DDX10: variants seen among roughly 807,000 people sequenced by gnomAD.
DDX10 encodes the protein probable ATP-dependent RNA helicase DDX10.
In DDX10, 74 loss-of-function variants were observed where a neutral mutation model predicts 104.3. The ratio of observed to expected loss-of-function variants is 0.71; its 90% CI spans 0.59 to 0.86. The LOEUF is 0.86. DDX10 is among the 40% of genes least tolerant of loss of function. The pLI, the probability that DDX10 is intolerant of heterozygous loss-of-function variation, is 0.00. For synonymous variants in DDX10, 351 were observed against 353.4 expected, an observed-to-expected ratio of 0.99 and a Z score of 0.08; for missense variants, 952 against 1,040.0, an observed-to-expected ratio of 0.92 and a Z score of 1.16.
intron 13 of DDX10, among the ~76,000 whole-genome samples, chr11:108,731,075 G>A (rs1290234325): frequency 1.3e-5 from 2 of 148,870 alleles, no homozygotes; most frequent in African/African-American, 2.5e-5. Context: ...TTTTTGAGAC[G>A]GAGTCTCGCT....
At chr11:108,831,464 A>G (rs1000449378) in intron 13 of DDX10, among the ~76,000 whole-genome samples, 2 of 148,366 alleles carry the variant, frequency 1.3e-5, no homozygotes, top group Admixed American at 1.4e-4. Flanking sequence ...CTTATCTTTC[A>G]TAGGAGTGGC....
chr11:108,729,152 C>A (rs993215130), intron 13 of DDX10, among the ~76,000 whole-genome samples: 1 of 151,990 alleles, frequency 6.6e-6, no homozygotes, highest in Admixed American at 6.6e-5. Context: ...AAATTTTACC[C>A]CCAAATGATT....
chr11:108,693,463 C>A, intron 8 of DDX10, 53 bp from the exon 9 acceptor site: 1 of 1,261,208 alleles, frequency 7.9e-7, no homozygotes, highest in Non-Finnish European at 1.2e-6. Context: ...AAAAATAGTG[C>A]AGCAGGGCAG....
chr11:108,680,915 G>C lies in DDX10; in HGVS notation c.848+1355G>C, dbSNP rs144236610. Among the ~76,000 whole-genome samples, 35 of 152,238 alleles carry C rather than the reference G, an allele frequency of 2.3e-4. 1 individual carries two copies. Among genetic ancestry groups the C allele is most frequent in the South Asian group, 1.5e-3 (7 of 4,822 alleles). Reference sequence around the variant, plus strand: ...TGGTATCTTTGACTTTCAAGAACTTGGGAATGGAATAGTAAGATATGTGAG... The same window carrying C: ...TGGTATCTTTGACTTTCAAGAACTTCGGAATGGAATAGTAAGATATGTGAG... On this transcript the variant is annotated intron_variant, in intron 6 of 17. Transcript: ENST00000322536.
chr11:108,825,144 A>G (rs918980334), intron 13 of DDX10, among the ~76,000 whole-genome samples: 21 of 152,192 alleles, frequency 1.4e-4, no homozygotes, highest in African/African-American at 4.6e-4. Context: ...TTATTAGGCC[A>G]AAATGCTATA....
At position 108,797,018 on chromosome 11, in the gene DDX10, C is replaced by G. The variant is rs1313538230; in HGVS notation, c.1966-41428C>G. Among the ~76,000 whole-genome samples the G allele has an allele frequency of 3.3e-5, 5 of 151,964 alleles. No homozygotes were observed. The East Asian group carries it at 7.7e-4, about 24-fold the overall frequency. ...ATAAACTTCTGTTGTTGTTGTTGTT[C>G]TTATTCTTCTCCCTCTTCTAATTTT... is the stretch of plus-strand genomic sequence containing the variant. On this transcript the variant is annotated intron_variant, in intron 13 of 17. Transcript: ENST00000322536.
At chr11:108,674,122 G>A (rs751486616) in intron 2 of DDX10, among the ~76,000 whole-genome samples, 2 of 152,064 alleles carry the variant, frequency 1.3e-5, no homozygotes, top group Non-Finnish European at 2.9e-5. Flanking sequence ...AGGAGTTTGA[G>A]ACCAGCCTGG....
At chr11:108,857,557 A>T (rs1188319662) in intron 16 of DDX10, among the ~76,000 whole-genome samples, 3 of 152,120 alleles carry the variant, frequency 2.0e-5, no homozygotes, top group African/African-American at 7.2e-5. Flanking sequence ...TTGTGTGCCT[A>T]TCTCTCATCA....
chr11:108,778,180 T>C (rs564966116), intron 13 of DDX10, among the ~76,000 whole-genome samples: 2 of 152,230 alleles, frequency 1.3e-5, no homozygotes, highest in African/African-American at 2.4e-5. Flanking sequence ...CTTCACAGAA[T>C]TGGAAAAAAC....
intron 16 of DDX10, among the ~76,000 whole-genome samples, chr11:108,903,684 A>G (rs758987153): frequency 6.6e-6 from 1 of 152,274 alleles, no homozygotes; most frequent in Non-Finnish European, 1.5e-5. Context: ...TTCAGCACCC[A>G]TGGTTTTTGT....
chr11:108,900,008 G>A (rs1863494401), intron 16 of DDX10, among the ~76,000 whole-genome samples: 1 of 152,100 alleles, frequency 6.6e-6, no homozygotes, highest in East Asian at 1.9e-4. Context: ...AGCTACTTGG[G>A]AGGCTGAGGC....
intron 16 of DDX10, among the ~76,000 whole-genome samples, chr11:108,884,388 G>A (rs1303960398): frequency 2.0e-5 from 3 of 151,978 alleles, no homozygotes; most frequent in Non-Finnish European, 4.4e-5. Context: ...GTCTACATAT[G>A]GACCATCCGC....
intron 13 of DDX10, among the ~76,000 whole-genome samples, chr11:108,741,011 C>A (rs572109338): frequency 7.9e-5 from 12 of 152,224 alleles, no homozygotes; most frequent in Admixed American, 2.0e-4. Flanking sequence ...CCAGTTCAAT[C>A]TTTTGCATAT....
At chr11:108,689,104 TC>T in intron 7 of DDX10, 42 bp downstream of exon 7, 2 of 1,604,454 alleles carry the variant, frequency 1.2e-6, no homozygotes, top group Non-Finnish European at 1.7e-6. Flanking sequence ...ATGTTGAATG[TC>T]CCTTTTGAAA....
chr11:108,745,036 T>TCCC, intron 13 of DDX10, among the ~76,000 whole-genome samples: 1 of 109,948 alleles, frequency 9.1e-6, no homozygotes, highest in African/African-American at 3.5e-5. Context: ...AAATTACTTT[T>TCCC]TCCTTCCCCC....
At chr11:108,772,556 A>G (rs2094364614) in intron 13 of DDX10, among the ~76,000 whole-genome samples, 1 of 152,216 alleles carries the variant, frequency 6.6e-6, no homozygotes, top group African/African-American at 2.4e-5. Context: ...CTTTGTTAGC[A>G]ACACTTGGAT....
intron 15 of DDX10, among the ~76,000 whole-genome samples, chr11:108,845,876 T>C (rs1862710091): frequency 6.6e-6 from 1 of 152,206 alleles, no homozygotes; most frequent in African/African-American, 2.4e-5. Flanking sequence ...TGCTCTTGCG[T>C]TTAAAAGTTG....
intron 16 of DDX10, among the ~76,000 whole-genome samples, chr11:108,881,833 T>G (rs754496449): frequency 6.6e-6 from 1 of 152,166 alleles, no homozygotes; most frequent in Non-Finnish European, 1.5e-5. Flanking sequence ...TATACAGTAG[T>G]CCTTTTGTGA....
intron 17 of DDX10, among the ~76,000 whole-genome samples, chr11:108,925,471 T>A (rs937854400): frequency 6.6e-6 from 1 of 152,196 alleles, no homozygotes; most frequent in Admixed American, 6.5e-5. Flanking sequence ...CTAGTAGGGT[T>A]CTCTGGCAGC....
Sources: allele counts gnomAD v4.1 joint callset (sites outside exome capture counted in the v4.1 genomes callset), GRCh38; gene constraint gnomAD v4.1.1; transcripts MANE v1.5; gene names NCBI Gene and HGNC (gene_info 2026-07-23, HGNC 2026-07-21).